The following SLC4A4 variants were observed in gnomAD, a reference collection of about 807,000 sequenced individuals.
SLC4A4 encodes the protein electrogenic sodium bicarbonate cotransporter 1.
In SLC4A4, 27 loss-of-function variants were observed where a neutral mutation model predicts 111.5. That is an observed-to-expected ratio of 0.24 (90% CI 0.18 to 0.33). The LOEUF is 0.33. Among genes scored for constraint, SLC4A4 ranks in the 10% least tolerant of loss-of-function variants. The pLI is 1.00. For synonymous variants in SLC4A4, 443 were observed against 463.4 expected (o/e 0.96, Z 0.57); for missense variants, 909 against 1,315.5 (o/e 0.69, Z 4.78).
chr4:71,427,519 T>A (rs562581569), intron 7 of SLC4A4, among the ~76,000 whole-genome samples: 1 of 152,210 alleles, frequency 6.6e-6, no homozygotes, highest in East Asian at 1.9e-4. Flanking sequence ...CCATAGTATA[T>A]AATTCTCCTT....
At chr4:71,543,583 A>T (rs568800170) in intron 18 of SLC4A4, among the ~76,000 whole-genome samples, 36 of 152,108 alleles carry the variant, frequency 2.4e-4, no homozygotes, top group African/African-American at 8.2e-4. Context: ...GACATATGTA[A>T]CTCAAACTTG....
chr4:71,419,104 TG>T lies in SLC4A4; in HGVS notation c.807+21457del, dbSNP rs953377235. On this transcript the variant is annotated intron_variant, in intron 7 of 25. Transcript: ENST00000264485. ...GTGTGAAGTGTCAGTCTGCCCCTAC[TG>T]GGGGGTGCCTCCCAGTTAGGCTGCT... Among the ~76,000 whole-genome samples, 11 of 152,260 alleles carry T rather than the reference TG, an allele frequency of 7.2e-5. 1 individual carries two copies. The highest frequency in any genetic ancestry group is 4.6e-4 in the Admixed American group (7 of 15,306).
chr4:71,361,849 A>G (rs546868660), intron 6 of SLC4A4, among the ~76,000 whole-genome samples: 3 of 152,362 alleles, frequency 2.0e-5, no homozygotes, highest in Admixed American at 6.5e-5. Context: ...AAGTAAAAGT[A>G]AAGTTTTTTC....
intron 20 of SLC4A4, among the ~76,000 whole-genome samples, chr4:71,550,443 A>T (rs954174978): frequency 1.3e-5 from 2 of 151,916 alleles, no homozygotes; most frequent in African/African-American, 4.8e-5. Context: ...CAGTTTAACT[A>T]AAACCTAAGT....
At chr4:71,299,007 A>T (rs1489434807) in intron 3 of SLC4A4, among the ~76,000 whole-genome samples, 1 of 152,242 alleles carries the variant, frequency 6.6e-6, no homozygotes, top group Non-Finnish European at 1.5e-5. Context: ...TTTTCATAAC[A>T]GCTTTTCTGA....
chr4:71,487,561 G>A (rs1729529709), intron 15 of SLC4A4, among the ~76,000 whole-genome samples: 1 of 151,552 alleles, frequency 6.6e-6, no homozygotes, highest in Non-Finnish European at 1.5e-5. Context: ...GAGCTGTTTT[G>A]CATGGAAGGT....
At chr4:71,375,270 C>T (rs76192179) in intron 6 of SLC4A4, among the ~76,000 whole-genome samples, 3,034 of 152,252 alleles carry the variant, frequency 0.02, 105 homozygotes, top group African/African-American at 0.069. Context: ...TCTCAGGCAA[C>T]CTCCAAATGC....
chr4:71,560,534 T>C (rs1456636353), intron 23 of SLC4A4, among the ~76,000 whole-genome samples: 6 of 151,808 alleles, frequency 4.0e-5, no homozygotes, highest in African/African-American at 1.4e-4. Context: ...AATTCTGATC[T>C]CATAGATATA....
chr4:71,311,921 G>A (rs1483343442), intron 3 of SLC4A4, among the ~76,000 whole-genome samples: 1 of 150,552 alleles, frequency 6.6e-6, no homozygotes, highest in African/African-American at 2.4e-5. Context: ...GAGAGAGAGA[G>A]AGAGAGAGAG....
chr4:71,440,530 CT>C (rs1233799567), intron 7 of SLC4A4, 85 bp from the exon 8 acceptor site: 33 of 1,511,864 alleles, frequency 2.2e-5, no homozygotes, highest in Non-Finnish European at 2.9e-5. Flanking sequence ...TGGGAAGGCC[CT>C]TTTTGTTCCC....
At chr4:71,292,072 A>C (rs1010276885) in intron 3 of SLC4A4, among the ~76,000 whole-genome samples, 4 of 152,226 alleles carry the variant, frequency 2.6e-5, no homozygotes, top group African/African-American at 9.6e-5. Context: ...GACTATAAAA[A>C]AAAAGAAGAG....
intron 3 of SLC4A4, among the ~76,000 whole-genome samples, chr4:71,289,090 G>A (rs1032823337): frequency 1.3e-5 from 2 of 152,254 alleles, no homozygotes; most frequent in South Asian, 2.1e-4. Flanking sequence ...AGCAAAGCAG[G>A]TTGGGAGCCA....
chr4:71,184,903 A>T (rs1319698982), upstream of SLC4A4, among the ~76,000 whole-genome samples: 1 of 152,226 alleles, frequency 6.6e-6, no homozygotes, highest in East Asian at 1.9e-4. Context: ...AGCAAACATC[A>T]AGTAATGAAA....
chr4:71,412,494 A>G (rs1721447250), intron 7 of SLC4A4, among the ~76,000 whole-genome samples: 1 of 152,228 alleles, frequency 6.6e-6, no homozygotes, highest in South Asian at 2.1e-4. Context: ...GTGGAAGCAG[A>G]TTTCATTTCA....
At chr4:71,453,753 C>A in intron 12 of SLC4A4, 84 bp downstream of exon 12, 1 of 1,225,056 alleles carries the variant, frequency 8.2e-7, no homozygotes, top group Non-Finnish European at 1.2e-6. Context: ...AGCAGATGGC[C>A]TTTCAGTTAC....
chr4:71,215,339 G>A (rs1718365763), intron 1 of SLC4A4, among the ~76,000 whole-genome samples: 1 of 152,166 alleles, frequency 6.6e-6, no homozygotes, highest in Admixed American at 6.5e-5. Flanking sequence ...AGATGGTTAT[G>A]CTTTCAAAAC....
At chr4:71,482,437 A>G (rs1728969110) in intron 14 of SLC4A4, among the ~76,000 whole-genome samples, 1 of 151,646 alleles carries the variant, frequency 6.6e-6, no homozygotes, top group African/African-American at 2.4e-5. Flanking sequence ...ATTGATGCTT[A>G]TCCAAAACTT....
At chr4:71,362,226 G>T (rs1429125872) in intron 6 of SLC4A4, among the ~76,000 whole-genome samples, 1 of 152,158 alleles carries the variant, frequency 6.6e-6, no homozygotes, top group African/African-American at 2.4e-5. Flanking sequence ...GATGCCCTTT[G>T]CTGAGAATTG....
chr4:71,439,434 T>TAAAA (rs1724481341), intron 7 of SLC4A4, among the ~76,000 whole-genome samples: 1 of 5,196 alleles, frequency 1.9e-4, no homozygotes, highest in African/African-American at 4.5e-4. Flanking sequence ...AGACTCTGTC[T>TAAAA]CAAAAAAAAA....
Sources: gnomAD v4.1 joint callset for allele counts (sites outside exome capture counted in the v4.1 genomes callset) on GRCh38, gnomAD v4.1.1 for gene constraint, MANE v1.5 for transcripts, NCBI Gene and HGNC (gene_info 2026-07-23, HGNC 2026-07-21) for gene names.